Variants in RANBP2 observed in about 807,000 individuals in gnomAD.
The protein encoded by RANBP2 is RAN binding protein 2.
A neutral mutation model predicts 303.6 loss-of-function variants in RANBP2; 57 were observed. The observed-to-expected ratio is 0.19, with a 90% confidence interval of 0.15 to 0.23. The LOEUF (loss-of-function observed/expected upper bound fraction) is 0.23. Among genes scored for constraint, RANBP2 ranks in the 10% least tolerant of loss-of-function variants. The pLI, the probability that RANBP2 is intolerant of heterozygous loss-of-function variation, is 1.00. For synonymous variants in RANBP2, 1,167 were observed against 1,301.5 expected (o/e 0.90, Z 2.23); for missense variants, 3,138 against 3,780.8 (o/e 0.83, Z 4.46).
At chr2:109,126,171 G>C in the RANBP2 span, among the ~76,000 whole-genome samples, 1 of 152,200 alleles carries the variant, frequency 6.6e-6, no homozygotes, top group East Asian at 1.9e-4. Context: ...ACCCTGCTTC[G>C]TTAATTTCAT....
chr2:109,440,332 A>G, the RANBP2 span, among the ~76,000 whole-genome samples: 1 of 152,244 alleles, frequency 6.6e-6, no homozygotes, highest in East Asian at 1.9e-4. Context: ...GGGCCCATGG[A>G]CGCTGGAATA....
At chr2:108,742,546 C>T (rs1478879689) in intron 7 of RANBP2, among the ~76,000 whole-genome samples, 1 of 151,492 alleles carries the variant, frequency 6.6e-6, no homozygotes, top group Non-Finnish European at 1.5e-5. Flanking sequence ...CCTCGCGATC[C>T]ACCCGACTTG....
the RANBP2 span, among the ~76,000 whole-genome samples, chr2:108,880,966 A>G: frequency 5.2e-5 from 8 of 152,384 alleles, no homozygotes; most frequent in East Asian, 1.5e-3. Context: ...AAATATCAAC[A>G]TTAACAGGAA....
At chr2:108,754,090 C>T (rs1365374844) in intron 15 of RANBP2, 119 bp downstream of exon 15, 4 of 1,603,146 alleles carry the variant, frequency 2.5e-6, no homozygotes, top group Admixed American at 3.4e-5. Flanking sequence ...TATTAATGCA[C>T]AGAAGGGATA....
the RANBP2 span, among the ~76,000 whole-genome samples, chr2:108,994,416 C>T: frequency 2.0e-5 from 3 of 152,276 alleles, no homozygotes; most frequent in East Asian, 1.9e-4. Context: ...AATGGCTTTA[C>T]GAGCTTGAAT....
At chr2:109,325,505 A>G in the RANBP2 span, among the ~76,000 whole-genome samples, 1 of 151,480 alleles carries the variant, frequency 6.6e-6, no homozygotes, top group Non-Finnish European at 1.5e-5. Context: ...CATGTACAGC[A>G]TATCATTTCC....
intron 11 of RANBP2, 43 bp from the exon 12 acceptor site, chr2:108,751,828 G>A (rs776041586): frequency 6.2e-7 from 1 of 1,611,994 alleles, no homozygotes; most frequent in East Asian, 2.2e-5. Context: ...GCCCTGAACT[G>A]TGTATTTAGA....
the RANBP2 span, among the ~76,000 whole-genome samples, chr2:109,146,525 C>CT: frequency 2.0e-5 from 3 of 152,132 alleles, no homozygotes; most frequent in Non-Finnish European, 2.9e-5. Flanking sequence ...CTTCCTAGCA[C>CT]TTTCTTGTTT....
the RANBP2 span, among the ~76,000 whole-genome samples, chr2:109,483,011 G>A: frequency 2.0e-5 from 3 of 152,000 alleles, no homozygotes; most frequent in Non-Finnish European, 4.4e-5. Context: ...TAATTATCTC[G>A]TTCACTTTTT....
the RANBP2 span, among the ~76,000 whole-genome samples, chr2:109,297,394 A>G: frequency 5.5e-3 from 844 of 152,156 alleles, 23 homozygotes; most frequent in Admixed American, 0.049. Context: ...CCCCCAGGGG[A>G]GCAGCCCACA....
chr2:109,550,594 G>A, the RANBP2 span, among the ~76,000 whole-genome samples: 1 of 152,086 alleles, frequency 6.6e-6, no homozygotes, highest in Non-Finnish European at 1.5e-5. Context: ...GATTGCAGGC[G>A]TGAGCCACCA....
chr2:109,125,302 G>GT, the RANBP2 span, among the ~76,000 whole-genome samples: 1 of 152,178 alleles, frequency 6.6e-6, no homozygotes, highest in Non-Finnish European at 1.5e-5. Context: ...AGCAGAGTTG[G>GT]TGGGGGGGTT....
the RANBP2 span, among the ~76,000 whole-genome samples, chr2:109,262,693 T>C: frequency 1.3e-5 from 2 of 152,262 alleles, no homozygotes; most frequent in Non-Finnish European, 2.9e-5. Flanking sequence ...CAAGTTATTA[T>C]CAGGAGATAA....
At chr2:109,145,378 G>C in the RANBP2 span, among the ~76,000 whole-genome samples, 2,119 of 152,264 alleles carry the variant, frequency 0.014, 20 homozygotes, top group Non-Finnish European at 0.019. Context: ...TGTGAGCCCT[G>C]CCCCTCTCTT....
chr2:109,661,298 G>A, the RANBP2 span, among the ~76,000 whole-genome samples: 44,548 of 150,064 alleles, frequency 0.3, 7,341 homozygotes, highest in African/African-American at 0.42. Flanking sequence ...TCAGGCTGGA[G>A]TGCAATGGCA....
chr2:108,980,393 C>T, the RANBP2 span, among the ~76,000 whole-genome samples: 16 of 152,200 alleles, frequency 1.1e-4, no homozygotes, highest in South Asian at 3.3e-3. Context: ...TGGGCACGCC[C>T]TGCCGCTCAC....
the RANBP2 span, among the ~76,000 whole-genome samples, chr2:109,298,035 T>C: frequency 6.6e-6 from 1 of 152,148 alleles, no homozygotes; most frequent in Non-Finnish European, 1.5e-5. Context: ...TGTGGTGCAG[T>C]GTGGGAACGT....
At chr2:108,728,174 C>A (rs1694880008) in intron 1 of RANBP2, among the ~76,000 whole-genome samples, 1 of 152,260 alleles carries the variant, frequency 6.6e-6, no homozygotes, top group Middle Eastern at 3.4e-3. Flanking sequence ...CCAAAGAAAG[C>A]TGGTTTCTTT....
chr2:109,272,475 C>T, the RANBP2 span, among the ~76,000 whole-genome samples: 3 of 152,210 alleles, frequency 2.0e-5, no homozygotes, highest in African/African-American at 7.2e-5. Context: ...GTGTGTGGGA[C>T]GCAGGGAGCC....
Sources: gnomAD v4.1 joint callset for allele counts (sites outside exome capture counted in the v4.1 genomes callset) on GRCh38, gnomAD v4.1.1 for gene constraint, MANE v1.5 for transcripts, NCBI Gene and HGNC (gene_info 2026-07-23, HGNC 2026-07-21) for gene names.